The following MTUS2 variants were observed in gnomAD, a reference collection of about 807,000 sequenced individuals.
MTUS2 encodes the protein microtubule-associated tumor suppressor candidate 2.
A neutral mutation model predicts 114.1 loss-of-function variants in MTUS2; 40 were observed. The ratio of observed to expected loss-of-function variants is 0.35; its 90% CI spans 0.27 to 0.46. The LOEUF is 0.46. Ranked by LOEUF, MTUS2 falls within the 20% of genes least tolerant of loss-of-function variation. The pLI is 1.00. For synonymous variants in MTUS2, 688 were observed against 672.0 expected, an observed-to-expected ratio of 1.02 and a Z score of -0.37; for missense variants, 1,679 against 1,705.4, an observed-to-expected ratio of 0.98 and a Z score of 0.27.
intron 5 of MTUS2, among the ~76,000 whole-genome samples, chr13:29,127,750 C>T (rs1006265637): frequency 1.4e-4 from 21 of 152,232 alleles, no homozygotes; most frequent in African/African-American, 5.1e-4. Context: ...CCCTGATTCT[C>T]CTCTGATCCG....
At chr13:29,488,282 C>T in intron 11 of MTUS2, 3 of 465,108 alleles carry the variant, frequency 6.5e-6, no homozygotes, top group Non-Finnish European at 1.2e-5. Flanking sequence ...CCAATGCCAG[C>T]CTCAGTCCCA....
chr13:28,982,495 C>G (rs1486085945), intron 2 of MTUS2, among the ~76,000 whole-genome samples: 1 of 152,178 alleles, frequency 6.6e-6, no homozygotes, highest in Non-Finnish European at 1.5e-5. Flanking sequence ...GAATTATCAT[C>G]TGATCCTGCA....
chr13:28,831,651 C>T (rs934250783), intron 1 of MTUS2, among the ~76,000 whole-genome samples: 2 of 152,158 alleles, frequency 1.3e-5, no homozygotes, highest in African/African-American at 4.8e-5. Flanking sequence ...GAAGCAGAAA[C>T]AGAATTGAAA....
In MTUS2 at chr13:29,161,800, G is replaced by A. The variant is rs112174738; in HGVS notation, c.2644+60830G>A. ...AGCATCCTCTGTCATGGCTGGCAGCGTCCCTCTTGCTGTGTTTTCTGTGTG... is the reference window on the plus strand; with the variant it reads ...AGCATCCTCTGTCATGGCTGGCAGCATCCCTCTTGCTGTGTTTTCTGTGTG... On this transcript the variant is annotated intron_variant, in intron 5 of 15. Transcript: ENST00000612955. Among the ~76,000 whole-genome samples the A allele has an allele frequency of 2.2e-3, 336 of 152,296 alleles. 1 individual carries two copies. The highest frequency in any genetic ancestry group is 7.5e-3 in the African/African-American group (313 of 41,558).
rs185296563 is a variant in MTUS2 at position 29,159,366 on chromosome 13, C to T, written c.2644+58396C>T. On this transcript the variant is annotated intron_variant, in intron 5 of 15. Coordinates refer to ENST00000612955, the MANE Select transcript of MTUS2 (RefSeq NM_001033602.4). ...ATATATACACATAGACACATACATA[C>T]GTACTCTGGACTTAAATGTGAAACA... 4.6e-5 allele frequency among the ~76,000 whole-genome samples: 7 copies of T among 152,084 alleles called. No individual in the cohort carries two copies. The East Asian group carries it at 7.7e-4, about 17-fold the overall frequency.
chr13:28,935,015 T>TG (rs1291880941), intron 2 of MTUS2, among the ~76,000 whole-genome samples: 15 of 144,574 alleles, frequency 1.0e-4, no homozygotes, highest in East Asian at 4.0e-4. Flanking sequence ...CGTTTTTTTT[T>TG]TTTTTTTTTT....
chr13:29,217,447 A>G (rs1895725545), intron 5 of MTUS2, among the ~76,000 whole-genome samples: 2 of 152,232 alleles, frequency 1.3e-5, no homozygotes, highest in East Asian at 1.9e-4. Flanking sequence ...TGGTTACACT[A>G]TAGTCTATTA....
intron 5 of MTUS2, among the ~76,000 whole-genome samples, chr13:29,156,102 T>G (rs375784628): frequency 1.1e-3 from 174 of 152,248 alleles, no homozygotes; most frequent in African/African-American, 4.0e-3. Context: ...TTAAACATAA[T>G]CACCTATCTC....
At chr13:29,449,994 C>T (rs1373472487) in intron 9 of MTUS2, among the ~76,000 whole-genome samples, 5 of 152,208 alleles carry the variant, frequency 3.3e-5, no homozygotes, top group African/African-American at 2.4e-5. Context: ...CTCCTTACAG[C>T]CACTGTCCTA....
chr13:29,278,293 T>A (rs1898140421), intron 5 of MTUS2, among the ~76,000 whole-genome samples: 1 of 152,154 alleles, frequency 6.6e-6, no homozygotes, highest in South Asian at 2.1e-4. Flanking sequence ...AGGGTTGCAT[T>A]AAAATGAGAA....
At chr13:29,407,201 G>A (rs751399348) in intron 8 of MTUS2, among the ~76,000 whole-genome samples, 2 of 152,090 alleles carry the variant, frequency 1.3e-5, no homozygotes, top group Non-Finnish European at 2.9e-5. Context: ...AGCTGAGGTC[G>A]TGCCATGGCA....
chr13:29,194,430 C>T (rs1231787791), intron 5 of MTUS2, among the ~76,000 whole-genome samples: 158 of 151,226 alleles, frequency 1.0e-3, no homozygotes, highest in East Asian at 3.7e-3. Context: ...AAAAAGTGGG[C>T]GAAGGACATG....
intron 2 of MTUS2, among the ~76,000 whole-genome samples, chr13:29,014,493 C>T (rs983021836): frequency 3.3e-5 from 5 of 152,178 alleles, no homozygotes; most frequent in African/African-American, 1.2e-4. Context: ...GTGAGCAGGA[C>T]TTACCATCCT....
intron 12 of MTUS2, among the ~76,000 whole-genome samples, chr13:29,493,426 G>A (rs1882322848): frequency 6.6e-6 from 1 of 152,182 alleles, no homozygotes. Context: ...ATTTCCAAGT[G>A]TAGCAATTCC....
At chr13:29,445,693 G>A (rs746305577) in intron 9 of MTUS2, among the ~76,000 whole-genome samples, 1 of 152,016 alleles carries the variant, frequency 6.6e-6, no homozygotes, top group Non-Finnish European at 1.5e-5. Flanking sequence ...GATCACTTGA[G>A]GCCAGGAGTT....
intron 2 of MTUS2, among the ~76,000 whole-genome samples, chr13:29,001,273 C>T (rs1885372435): frequency 6.6e-6 from 1 of 152,128 alleles, no homozygotes; most frequent in Non-Finnish European, 1.5e-5. Flanking sequence ...CTATAGGGTT[C>T]ATCATAAACC....
In MTUS2 at chr13:29,077,604, G is replaced by A. The variant is rs146964236; in HGVS notation, c.2447-23169G>A. Among the ~76,000 whole-genome samples the A allele has an allele frequency of 3.6e-3, 549 of 152,148 alleles. 2 individuals carry two copies. Among genetic ancestry groups the A allele is most frequent in the Non-Finnish European group, 6.1e-3 (413 of 67,992 alleles). On this transcript the variant is annotated intron_variant, in intron 4 of 15. Transcript: ENST00000612955. ...CGGTCCTGTTACCCACTTTATCTTA[G>A]GCTGTGGTTATCAGTGAGCCACAGT...
At chr13:29,208,196 A>G (rs181061461) in intron 5 of MTUS2, among the ~76,000 whole-genome samples, 11 of 152,022 alleles carry the variant, frequency 7.2e-5, no homozygotes. Flanking sequence ...CATCTCCTCT[A>G]GGTTTTCTAC....
chr13:29,405,419 A>G (rs1025133495), intron 8 of MTUS2, among the ~76,000 whole-genome samples: 7 of 152,234 alleles, frequency 4.6e-5, no homozygotes, highest in African/African-American at 1.7e-4. Flanking sequence ...CAATTTTTAA[A>G]TAAAAAGATG....
Sources: gnomAD v4.1 joint callset for allele counts (sites outside exome capture counted in the v4.1 genomes callset) on GRCh38, gnomAD v4.1.1 for gene constraint, MANE v1.5 for transcripts, NCBI Gene and HGNC (gene_info 2026-07-23, HGNC 2026-07-21) for gene names.